Variants in HMCN1 observed in about 807,000 individuals in gnomAD.
The protein encoded by HMCN1 is hemicentin-1.
A neutral mutation model predicts 625.9 loss-of-function variants in HMCN1; 321 were observed. That is an observed-to-expected ratio of 0.51 (90% CI 0.47 to 0.56). The LOEUF (loss-of-function observed/expected upper bound fraction) is 0.56, where lower values mean the gene tolerates loss of function less well. Ranked by LOEUF, HMCN1 falls within the 20% of genes least tolerant of loss-of-function variation. The probability of loss-of-function intolerance (pLI) is 0.00; values close to 1 mark genes in which losing one functional copy is unlikely to be tolerated. For synonymous variants in HMCN1, 2,425 were observed against 2,417.6 expected, an observed-to-expected ratio of 1.00 and a Z score of -0.09; for missense variants, 6,588 against 6,887.3, an observed-to-expected ratio of 0.96 and a Z score of 1.54.
chr1:186,149,819 A>G (rs1650558732), intron 93 of HMCN1, among the ~76,000 whole-genome samples: 5 of 152,126 alleles, frequency 3.3e-5, no homozygotes, highest in Admixed American at 3.3e-4. Flanking sequence ...GTCTCAGCTA[A>G]TAGGGAGGCT....
intron 69 of HMCN1, 80 bp from the exon 70 acceptor site, chr1:186,106,804 C>T: frequency 9.9e-7 from 1 of 1,012,742 alleles, no homozygotes. Context: ...GGGTTATTTA[C>T]ATTCATTCTA....
intron 102 of HMCN1, among the ~76,000 whole-genome samples, chr1:186,173,678 G>A (rs1259241205): frequency 7.0e-6 from 1 of 142,374 alleles, no homozygotes; most frequent in East Asian, 2.0e-4. Context: ...AAAAAAAGTA[G>A]CAGCCAACTC....
At chr1:185,781,703 G>A (rs1450655982) in intron 1 of HMCN1, among the ~76,000 whole-genome samples, 1 of 152,316 alleles carries the variant, frequency 6.6e-6, no homozygotes, top group East Asian at 1.9e-4. Context: ...TTGCACTGTG[G>A]TCTGAGAGAC....
In HMCN1 at chr1:185,989,669, G is replaced by A. The variant is rs371523731; in HGVS notation, c.3208+22G>A. The A allele has an allele frequency of 1.3e-5, 21 of 1,612,022 alleles. No homozygotes were observed. The African/African-American group carries it at 2.7e-4, about 21-fold the overall frequency. On this transcript the variant is annotated intron_variant, in intron 21 of 106. Coordinates refer to ENST00000271588, the MANE Select transcript of HMCN1 (RefSeq NM_031935.3). ...TATGGTGAGAGCTGGTGGAGGAATG[G>A]TTTTTATTGACATTGTCTATCTGTG...
chr1:186,132,521 T>G, intron 86 of HMCN1, 112 bp downstream of exon 86: 1 of 860,554 alleles, frequency 1.2e-6, no homozygotes, highest in South Asian at 1.4e-5. Flanking sequence ...GCTCTCAGAG[T>G]GTGTCTAATT....
chr1:186,023,236 G>T, intron 36 of HMCN1, 83 bp downstream of exon 36: 2 of 1,169,464 alleles, frequency 1.7e-6, no homozygotes, highest in Non-Finnish European at 2.5e-6. Context: ...TTGAATTACA[G>T]TATAAAAGAA....
chr1:186,048,934 A>G, intron 42 of HMCN1, 95 bp downstream of exon 42: 1 of 759,632 alleles, frequency 1.3e-6, no homozygotes, highest in Non-Finnish European at 2.3e-6. Context: ...ACTGATTATA[A>G]TAGGTAGATG....
At chr1:186,172,224 T>A in intron 102 of HMCN1, 93 bp downstream of exon 102, 1 of 1,525,168 alleles carries the variant, frequency 6.6e-7, no homozygotes, top group Non-Finnish European at 9.1e-7. Context: ...AGAGTAAATT[T>A]AAGCTAACAA....
chr1:186,057,717 A>G (rs923248550), intron 46 of HMCN1, among the ~76,000 whole-genome samples: 8 of 152,028 alleles, frequency 5.3e-5, no homozygotes, highest in Non-Finnish European at 1.0e-4. Context: ...GGAAGTGCTG[A>G]AATTGAATTC....
chr1:186,085,407 G>A (rs890185270), intron 57 of HMCN1, among the ~76,000 whole-genome samples: 1 of 152,102 alleles, frequency 6.6e-6, no homozygotes, highest in Non-Finnish European at 1.5e-5. Flanking sequence ...GCCTGACATA[G>A]CCTTTCTTCT....
rs537063833 is a variant in HMCN1, at chr1:186,151,977, TTTC to T, written c.14896+240_14896+242del. ...CCTAAAAGTTTTTCTCCTCTCCTCT[TTTC>T]TTCTTTTTAAAAATATTTTCTCTTT... On this transcript the variant is annotated intron_variant, in intron 95 of 106. Transcript: ENST00000271588. Among the ~76,000 whole-genome samples the T allele has an allele frequency of 8.6e-5, 13 of 151,928 alleles. No individual in the cohort carries two copies. The South Asian group carries it at 1.2e-3, about 15-fold the overall frequency.
At chr1:185,861,673 G>T (rs546880348) in intron 2 of HMCN1, among the ~76,000 whole-genome samples, 1 of 152,170 alleles carries the variant, frequency 6.6e-6, no homozygotes, top group East Asian at 1.9e-4. Flanking sequence ...TTCATTCAAG[G>T]TCATTGTTGC....
chr1:185,808,858 T>C (rs1185185585), intron 1 of HMCN1, among the ~76,000 whole-genome samples: 3 of 152,156 alleles, frequency 2.0e-5, no homozygotes, highest in African/African-American at 7.2e-5. Flanking sequence ...GGGCAACTCT[T>C]ACAGGAAGAG....
intron 78 of HMCN1, 71 bp from the exon 79 acceptor site, chr1:186,119,674 C>A: frequency 6.8e-7 from 1 of 1,477,286 alleles, no homozygotes; most frequent in Non-Finnish European, 9.4e-7. Context: ...TATTTTTAAG[C>A]TCATTACTAC....
chr1:186,007,000 A>AT, intron 29 of HMCN1, 128 bp from the exon 30 acceptor site: 1 of 740,356 alleles, frequency 1.4e-6, no homozygotes. Context: ...AGTGCTAATC[A>AT]TATCATTTTA....
intron 1 of HMCN1, among the ~76,000 whole-genome samples, chr1:185,739,184 A>G (rs1160975345): frequency 6.6e-6 from 1 of 152,154 alleles, no homozygotes; most frequent in East Asian, 1.9e-4. Context: ...CATGTCACTG[A>G]AAAGGACATG....
chr1:185,897,428 A>G (rs1026642388), intron 4 of HMCN1, among the ~76,000 whole-genome samples: 5 of 152,174 alleles, frequency 3.3e-5, no homozygotes, highest in Non-Finnish European at 7.4e-5. Context: ...TCTGCCATCC[A>G]GCACAGCATG....
intron 11 of HMCN1, among the ~76,000 whole-genome samples, chr1:185,947,022 C>G (rs1668382900): frequency 6.6e-6 from 1 of 152,086 alleles, no homozygotes; most frequent in African/African-American, 2.4e-5. Flanking sequence ...ATTTTATAAC[C>G]ATAATGGTGT....
At chr1:185,972,439 G>T (rs566654364) in intron 15 of HMCN1, among the ~76,000 whole-genome samples, 3 of 152,108 alleles carry the variant, frequency 2.0e-5, no homozygotes, top group African/African-American at 7.2e-5. Flanking sequence ...CAAATGTTTC[G>T]TATTTATGCT....
Sources: gnomAD v4.1 joint callset for allele counts (sites outside exome capture counted in the v4.1 genomes callset) on GRCh38, gnomAD v4.1.1 for gene constraint, MANE v1.5 for transcripts, NCBI Gene and HGNC (gene_info 2026-07-23, HGNC 2026-07-21) for gene names.